The following KLHL1 variants were observed in gnomAD, a reference collection of about 807,000 sequenced individuals.
KLHL1 encodes the protein kelch like family member 1.
In KLHL1, 47 loss-of-function variants were observed where a neutral mutation model predicts 77.7. The ratio of observed to expected loss-of-function variants is 0.60; its 90% CI spans 0.48 to 0.77. KLHL1 has a LOEUF of 0.77. Among genes scored for constraint, KLHL1 ranks in the 30% least tolerant of loss-of-function variants. The probability of loss-of-function intolerance (pLI) is 0.00; values close to 1 mark genes in which losing one functional copy is unlikely to be tolerated. For synonymous variants in KLHL1, 360 were observed against 325.2 expected (o/e 1.11, Z -1.15); for missense variants, 925 against 910.8 (o/e 1.02, Z -0.20).
intron 4 of KLHL1, among the ~76,000 whole-genome samples, chr13:69,914,746 T>C (rs1353930609): frequency 1.3e-5 from 2 of 152,202 alleles, no homozygotes; most frequent in Non-Finnish European, 2.9e-5. Flanking sequence ...AATATATATA[T>C]GTATACATGA....
chr13:70,080,178 T>A (rs568178408), intron 1 of KLHL1, among the ~76,000 whole-genome samples: 1 of 152,150 alleles, frequency 6.6e-6, no homozygotes, highest in Non-Finnish European at 1.5e-5. Context: ...TCTGTCTTTG[T>A]GTGTGTCTGC....
intron 1 of KLHL1, among the ~76,000 whole-genome samples, chr13:70,036,182 G>T (rs894210193): frequency 6.6e-6 from 1 of 151,902 alleles, no homozygotes; most frequent in East Asian, 1.9e-4. Context: ...CACACCAGTT[G>T]TATCTAGGTG....
chr13:70,048,947 T>C (rs1301600162), intron 1 of KLHL1, among the ~76,000 whole-genome samples: 1 of 152,222 alleles, frequency 6.6e-6, no homozygotes, highest in African/African-American at 2.4e-5. Context: ...AAAATCATTT[T>C]ATCTACTTTT....
intron 3 of KLHL1, among the ~76,000 whole-genome samples, chr13:69,952,614 G>A (rs1369503985): frequency 6.6e-6 from 1 of 151,340 alleles, no homozygotes; most frequent in Non-Finnish European, 1.5e-5. Flanking sequence ...AAAGGAATCA[G>A]TGATCAAGGT....
At chr13:69,789,725 T>C (rs1030099391) in intron 7 of KLHL1, among the ~76,000 whole-genome samples, 4 of 152,284 alleles carry the variant, frequency 2.6e-5, no homozygotes, top group African/African-American at 7.2e-5. Flanking sequence ...TTGATGACAA[T>C]AAGTTGAGCT....
intron 6 of KLHL1, among the ~76,000 whole-genome samples, chr13:69,797,635 G>A (rs1451417002): frequency 4.0e-5 from 6 of 149,790 alleles, no homozygotes; most frequent in Admixed American, 1.3e-4. Context: ...GCTAATTAAC[G>A]GTGAAACCCC....
At chr13:69,812,153 G>T (rs1016000886) in intron 6 of KLHL1, among the ~76,000 whole-genome samples, 1 of 151,902 alleles carries the variant, frequency 6.6e-6, no homozygotes, top group Non-Finnish European at 1.5e-5. Flanking sequence ...CCTTCATTTC[G>T]TTATGTACCC....
At chr13:69,824,621 T>C (rs568356510) in intron 6 of KLHL1, among the ~76,000 whole-genome samples, 3 of 152,080 alleles carry the variant, frequency 2.0e-5, no homozygotes, top group East Asian at 3.9e-4. Context: ...AAAAATAATA[T>C]GCTAATTGAA....
chr13:69,811,161 A>G (rs1363540923), intron 6 of KLHL1, among the ~76,000 whole-genome samples: 1 of 152,088 alleles, frequency 6.6e-6, no homozygotes, highest in Non-Finnish European at 1.5e-5. Context: ...TGGTAAAGAC[A>G]CAACAGTAAC....
chr13:69,819,736 G>T (rs1305044881), intron 6 of KLHL1, among the ~76,000 whole-genome samples: 1 of 152,130 alleles, frequency 6.6e-6, no homozygotes, highest in Admixed American at 6.5e-5. Flanking sequence ...CCATCAGCAT[G>T]CTTAGGATTT....
At position 70,107,509 on chromosome 13, in the gene KLHL1, C is replaced by A. The variant is rs1280206076; in HGVS notation, c.191G>T (p.Gly64Val). The change falls in exon 1 of 11, where the codon GGT (glycine) becomes GTT (valine). Residue 64 changes from glycine (G) to valine (V), a missense_variant. Coordinates refer to ENST00000377844, the MANE Select transcript of KLHL1 (RefSeq NM_020866.3). ...AGGCTTCTTCCAGAAAGTGCTCACACCGCTTCTCTCTTGGCTTTTGAGCAG... is the reference window on the plus strand; with the variant it reads ...AGGCTTCTTCCAGAAAGTGCTCACAACGCTTCTCTCTTGGCTTTTGAGCAG... ...SRLLKSQERS[G>V]VSTFWKKPSS... 4.3e-6 allele frequency: 7 copies of A among 1,611,478 alleles called. No individual in the cohort carries two copies. The highest frequency in any genetic ancestry group is 5.1e-6 in the Non-Finnish European group (6 of 1,179,474).
chr13:69,977,768 CG>C (rs1884588288), intron 1 of KLHL1, among the ~76,000 whole-genome samples: 3 of 152,148 alleles, frequency 2.0e-5, no homozygotes, highest in African/African-American at 7.2e-5. Flanking sequence ...ATAAAAAATT[CG>C]GAGAGCCTTA....
At chr13:69,943,661 A>C (rs1332832536) in intron 3 of KLHL1, among the ~76,000 whole-genome samples, 1 of 151,272 alleles carries the variant, frequency 6.6e-6, no homozygotes, top group East Asian at 2.1e-4. Context: ...TGAAATGTGT[A>C]TCTGCTGTTA....
intron 7 of KLHL1, among the ~76,000 whole-genome samples, chr13:69,772,220 T>C (rs772359146): frequency 6.6e-6 from 1 of 151,942 alleles, no homozygotes; most frequent in Non-Finnish European, 1.5e-5. Flanking sequence ...TAGAAAAGCA[T>C]TGAAAACCCC....
At chr13:69,977,785 A>G (rs1200862890) in intron 1 of KLHL1, among the ~76,000 whole-genome samples, 1 of 152,204 alleles carries the variant, frequency 6.6e-6, no homozygotes, top group Non-Finnish European at 1.5e-5. Context: ...CCTTACCAGT[A>G]AAGTGTAAAC....
chr13:70,079,616 A>T (rs566563920), intron 1 of KLHL1, among the ~76,000 whole-genome samples: 1 of 152,164 alleles, frequency 6.6e-6, no homozygotes, highest in African/African-American at 2.4e-5. Flanking sequence ...AACATTTTCA[A>T]TGAAGGAATA....
At chr13:69,774,554 G>A (rs996049532) in intron 7 of KLHL1, among the ~76,000 whole-genome samples, 1 of 151,800 alleles carries the variant, frequency 6.6e-6, no homozygotes, top group Non-Finnish European at 1.5e-5. Flanking sequence ...TTATCTCAAA[G>A]TTTAAAATGC....
intron 4 of KLHL1, among the ~76,000 whole-genome samples, chr13:69,938,326 A>G (rs902349944): frequency 6.6e-6 from 1 of 152,058 alleles, no homozygotes; most frequent in African/African-American, 2.4e-5. Flanking sequence ...TATATATCAC[A>G]GTCTAAGAAA....
chr13:69,955,079 A>G (rs972680096), intron 3 of KLHL1, among the ~76,000 whole-genome samples: 2 of 151,204 alleles, frequency 1.3e-5, no homozygotes, highest in Non-Finnish European at 3.0e-5. Flanking sequence ...CCATCTAGTA[A>G]AAGCCTTAAG....
Sources: gnomAD v4.1 joint callset for allele counts (sites outside exome capture counted in the v4.1 genomes callset) on GRCh38, gnomAD v4.1.1 for gene constraint, MANE v1.5 for transcripts, NCBI Gene and HGNC (gene_info 2026-07-23, HGNC 2026-07-21) for gene names.